The following TAOK3 variants were observed in gnomAD, a reference collection of about 807,000 sequenced individuals.
TAOK3 encodes serine/threonine-protein kinase TAO3.
TAOK3 carries 40 observed loss-of-function variants against 120.4 expected under a neutral mutation model. The ratio of observed to expected loss-of-function variants is 0.33; its 90% CI spans 0.26 to 0.43. The LOEUF is 0.43. TAOK3 is among the 20% of genes least tolerant of loss of function. The pLI is 1.00. For missense variants in TAOK3, 821 were observed against 1,112.1 expected (o/e 0.74, Z 3.72); for synonymous variants, 355 against 387.5 (o/e 0.92, Z 0.99).
Position 118,225,075 on chromosome 12 carries a change from C to G in TAOK3, c.643+8599G>C, listed in dbSNP as rs1024157431. On this transcript the variant is annotated intron_variant, in intron 9 of 20. Transcript: ENST00000392533. ...CCAGCCTGGGTAACATGGTGAAATT[C>G]TGTCTCTACTAAAAATATAAAAATT... Among the ~76,000 whole-genome samples, 7 of 151,630 alleles carry G rather than the reference C, an allele frequency of 4.6e-5. No individual in the cohort carries two copies. The South Asian group carries it at 1.5e-3, about 32-fold the overall frequency.
chr12:118,354,081 T>C (rs1340841237), intron 1 of TAOK3, among the ~76,000 whole-genome samples: 1 of 152,198 alleles, frequency 6.6e-6, no homozygotes, highest in Non-Finnish European at 1.5e-5. Context: ...ACGGAAAACA[T>C]TCTTTATGCA....
chr12:118,189,273 A>C (rs2037270825), intron 14 of TAOK3, among the ~76,000 whole-genome samples: 1 of 152,216 alleles, frequency 6.6e-6, no homozygotes, highest in South Asian at 2.1e-4. Flanking sequence ...TTCTACAATT[A>C]TATACATTAT....
intron 1 of TAOK3, among the ~76,000 whole-genome samples, chr12:118,303,010 A>G (rs2042932329): frequency 6.6e-6 from 1 of 152,172 alleles, no homozygotes; most frequent in African/African-American, 2.4e-5. Context: ...ACCCACCCAA[A>G]CAATCAAAAT....
chr12:118,202,014 C>T (rs1378682010), intron 11 of TAOK3, among the ~76,000 whole-genome samples: 1 of 151,918 alleles, frequency 6.6e-6, no homozygotes. Flanking sequence ...TCTTTGTTTA[C>T]TTTCCACATG....
At chr12:118,246,438 A>G (rs466381) in intron 3 of TAOK3, 740,794 of 1,115,136 alleles carry the variant, frequency 0.66, 259,326 homozygotes, top group Admixed American at 0.75. Flanking sequence ...GACCCGTGCC[A>G]GCCAGCGCAC....
chr12:118,218,696 T>G (rs1411305256), intron 9 of TAOK3, among the ~76,000 whole-genome samples: 1 of 152,100 alleles, frequency 6.6e-6, no homozygotes, highest in Non-Finnish European at 1.5e-5. Context: ...CTGTGGCTGA[T>G]TGAATTCATG....
chr12:118,181,236 T>C, intron 15 of TAOK3, 135 bp downstream of exon 15: 1 of 712,694 alleles, frequency 1.4e-6, no homozygotes, highest in Non-Finnish European at 2.4e-6. Context: ...CTATAAAATC[T>C]AGAAACCCAA....
At chr12:118,268,143 C>G (rs1471860195) in intron 1 of TAOK3, among the ~76,000 whole-genome samples, 2 of 152,126 alleles carry the variant, frequency 1.3e-5, no homozygotes, top group Admixed American at 6.6e-5. Context: ...GGAAGAGCTG[C>G]AATTCATTCA....
At chr12:118,308,953 A>AAAAAAG (rs2043158227) in intron 1 of TAOK3, among the ~76,000 whole-genome samples, 1 of 148,116 alleles carries the variant, frequency 6.8e-6, no homozygotes, top group Admixed American at 6.7e-5. Context: ...AAAAAAAAAA[A>AAAAAAG]AAAAAAGCCT....
intron 1 of TAOK3, among the ~76,000 whole-genome samples, chr12:118,357,184 T>C (rs540037805): frequency 2.0e-5 from 3 of 152,362 alleles, no homozygotes; most frequent in African/African-American, 7.2e-5. Context: ...CTTCCTTTTA[T>C]GTTGCAACAG....
chr12:118,184,884 A>T (rs977422095), intron 14 of TAOK3, among the ~76,000 whole-genome samples: 1 of 152,242 alleles, frequency 6.6e-6, no homozygotes, highest in Non-Finnish European at 1.5e-5. Context: ...CTTAATGTGT[A>T]AAGAGAGAGG....
At chr12:118,301,321 A>G (rs1338190357) in intron 1 of TAOK3, among the ~76,000 whole-genome samples, 1 of 152,286 alleles carries the variant, frequency 6.6e-6, no homozygotes, top group South Asian at 2.1e-4. Flanking sequence ...GGAGGCTAAA[A>G]ACAAAACCAA....
At chr12:118,289,060 A>G (rs1196194639) in intron 1 of TAOK3, among the ~76,000 whole-genome samples, 2 of 151,870 alleles carry the variant, frequency 1.3e-5, no homozygotes, top group Non-Finnish European at 2.9e-5. Context: ...AGCACTTTGG[A>G]AGGCCAAGGC....
intron 17 of TAOK3, among the ~76,000 whole-genome samples, chr12:118,164,442 A>G (rs1260728237): frequency 2.0e-5 from 3 of 152,070 alleles, no homozygotes; most frequent in African/African-American, 7.2e-5. Flanking sequence ...TTTGAGACGG[A>G]GTTTCTACTT....
intron 3 of TAOK3, chr12:118,247,011 A>T: frequency 1.1e-6 from 1 of 885,066 alleles, no homozygotes; most frequent in South Asian, 1.8e-5. Flanking sequence ...TGAAAAAAAA[A>T]TTATAAAAGA....
chr12:118,364,646 G>T (rs2045695260), intron 1 of TAOK3, among the ~76,000 whole-genome samples: 1 of 152,178 alleles, frequency 6.6e-6, no homozygotes. Flanking sequence ...AGTGGCTGGT[G>T]CCTGTAATCC....
At chr12:118,347,910 T>C (rs1043691322) in intron 1 of TAOK3, among the ~76,000 whole-genome samples, 1 of 152,224 alleles carries the variant, frequency 6.6e-6, no homozygotes, top group Admixed American at 6.5e-5. Flanking sequence ...AAACTATTGA[T>C]AGAGTAATCT....
intron 1 of TAOK3, among the ~76,000 whole-genome samples, chr12:118,314,790 C>T (rs952956392): frequency 1.3e-5 from 2 of 152,078 alleles, no homozygotes; most frequent in Non-Finnish European, 2.9e-5. Flanking sequence ...TTATCAAGAC[C>T]AGGTTTTTGC....
At chr12:118,351,504 C>G (rs2045152471) in intron 1 of TAOK3, among the ~76,000 whole-genome samples, 2 of 152,168 alleles carry the variant, frequency 1.3e-5, no homozygotes, top group South Asian at 4.1e-4. Flanking sequence ...AAAGCATTAA[C>G]TAGACATTTT....
Sources: gnomAD v4.1 joint callset for allele counts (sites outside exome capture counted in the v4.1 genomes callset) on GRCh38, gnomAD v4.1.1 for gene constraint, MANE v1.5 for transcripts, NCBI Gene and HGNC (gene_info 2026-07-23, HGNC 2026-07-21) for gene names.